PTPRD: variants seen among roughly 807,000 people sequenced by gnomAD.
PTPRD encodes the protein protein tyrosine phosphatase receptor type D.
Under a neutral mutation model 214.5 loss-of-function variants are expected in PTPRD, and 34 were observed. That is an observed-to-expected ratio of 0.16 (90% CI 0.12 to 0.21). The LOEUF (loss-of-function observed/expected upper bound fraction) is 0.21, where lower values mean the gene tolerates loss of function less well. PTPRD is among the 10% of genes least tolerant of loss of function. The pLI, the probability that PTPRD is intolerant of heterozygous loss-of-function variation, is 1.00. For missense variants in PTPRD, 2,545 were observed against 2,398.7 expected, an observed-to-expected ratio of 1.06 and a Z score of -1.27; for synonymous variants, 1,128 against 845.7, an observed-to-expected ratio of 1.33 and a Z score of -5.79.
intron 8 of PTPRD, among the ~76,000 whole-genome samples, chr9:9,452,476 T>C (rs904095888): frequency 6.6e-6 from 1 of 151,156 alleles, no homozygotes; most frequent in Non-Finnish European, 1.5e-5. Flanking sequence ...TAAGTAAATA[T>C]GGAAGTATAC....
intron 7 of PTPRD, among the ~76,000 whole-genome samples, chr9:9,710,980 G>C (rs910690503): frequency 1.3e-5 from 2 of 150,456 alleles, no homozygotes; most frequent in Non-Finnish European, 3.0e-5. Flanking sequence ...GAGAGCGTGT[G>C]TGTGTGTGTG....
intron 6 of PTPRD, among the ~76,000 whole-genome samples, chr9:9,740,639 C>G (rs2098386977): frequency 6.6e-6 from 1 of 152,172 alleles, no homozygotes; most frequent in African/African-American, 2.4e-5. Flanking sequence ...GCTGGGATTA[C>G]AGGCCTGAGC....
rs185779613 is a variant in PTPRD at position 8,592,776 on chromosome 9, T to C, written c.352+40541A>G. Among the ~76,000 whole-genome samples the C allele has an allele frequency of 4.6e-5, 7 of 152,320 alleles. No individual in the cohort carries two copies. In the East Asian group the frequency reaches 9.6e-4, roughly 21 times the overall value. ...TAGTGCTTAAAAGATAACAAATAATTGTAATATAACATGCTGCGTGTTAAT... is the reference window on the plus strand; with the variant it reads ...TAGTGCTTAAAAGATAACAAATAATCGTAATATAACATGCTGCGTGTTAAT... On this transcript the variant is annotated intron_variant, in intron 14 of 45. Transcript: ENST00000381196.
intron 9 of PTPRD, among the ~76,000 whole-genome samples, chr9:9,237,989 A>C (rs571185107): frequency 6.6e-6 from 1 of 152,124 alleles, no homozygotes; most frequent in East Asian, 1.9e-4. Flanking sequence ...AGTTTCCTTA[A>C]ATCCTTGATA....
At chr9:10,368,597 C>G (rs965351410) in intron 2 of PTPRD, among the ~76,000 whole-genome samples, 2 of 151,902 alleles carry the variant, frequency 1.3e-5, no homozygotes, top group Non-Finnish European at 2.9e-5. Flanking sequence ...GAATACAGAA[C>G]ATTGTAATTG....
intron 5 of PTPRD, among the ~76,000 whole-genome samples, chr9:9,889,011 T>G (rs1338074921): frequency 2.0e-5 from 3 of 152,152 alleles, no homozygotes; most frequent in African/African-American, 7.2e-5. Context: ...TGAAATAAGC[T>G]AGGTACAGAA....
chr9:10,032,662 G>C (rs1567206293), intron 4 of PTPRD, among the ~76,000 whole-genome samples: 1 of 152,056 alleles, frequency 6.6e-6, no homozygotes, highest in Admixed American at 6.6e-5. Flanking sequence ...TCAATCTAAT[G>C]CTTAGAATTA....
chr9:10,601,577 T>C (rs1567157048), intron 2 of PTPRD, among the ~76,000 whole-genome samples: 1 of 151,824 alleles, frequency 6.6e-6, no homozygotes, highest in Non-Finnish European at 1.5e-5. Context: ...ATTAAATATC[T>C]AGAATAGTGA....
At chr9:9,797,145 G>C (rs1348469616) in intron 5 of PTPRD, among the ~76,000 whole-genome samples, 1 of 150,748 alleles carries the variant, frequency 6.6e-6, no homozygotes, top group East Asian at 2.0e-4. Context: ...CAAAGTATTT[G>C]GTACAGAATT....
chr9:8,805,258 T>C (rs2096652383), intron 11 of PTPRD, among the ~76,000 whole-genome samples: 1 of 152,154 alleles, frequency 6.6e-6, no homozygotes, highest in African/African-American at 2.4e-5. Flanking sequence ...GTTCCAAAAA[T>C]TTGAGTAGCT....
At chr9:9,713,360 A>G (rs1331356608) in intron 7 of PTPRD, among the ~76,000 whole-genome samples, 2 of 152,216 alleles carry the variant, frequency 1.3e-5, no homozygotes, top group African/African-American at 4.8e-5. Context: ...AGATGCATCA[A>G]AAATGTCACT....
chr9:10,144,846 A>G (rs1028379230), intron 3 of PTPRD, among the ~76,000 whole-genome samples: 5 of 152,148 alleles, frequency 3.3e-5, no homozygotes, highest in African/African-American at 1.2e-4. Context: ...TGTGGTTTAT[A>G]CATTTCTGGG....
At chr9:9,389,822 A>G (rs534894515) in intron 9 of PTPRD, among the ~76,000 whole-genome samples, 3 of 152,330 alleles carry the variant, frequency 2.0e-5, no homozygotes, top group East Asian at 3.9e-4. Flanking sequence ...ACTCTGTGCC[A>G]GAGCCTGGGG....
chr9:9,731,508 G>A (rs10125726), intron 7 of PTPRD, among the ~76,000 whole-genome samples: 86,593 of 151,836 alleles, frequency 0.57, 26,596 homozygotes, highest in African/African-American at 0.78. Flanking sequence ...TGTGCACAAT[G>A]TGCAGGTTTG....
At position 8,316,489 on chromosome 9, in the gene PTPRD, C is replaced by A; in HGVS notation, c.*1385G>T. 1 of 230,234 alleles carries A rather than the reference C, an allele frequency of 4.3e-6. No homozygotes were observed. Among genetic ancestry groups the A allele is most frequent in the Non-Finnish European group, 8.6e-6 (1 of 116,028 alleles). 14.3% of individuals were successfully genotyped at this position (230,234 alleles called of 1,614,324 possible). On this transcript the variant is annotated 3_prime_UTR_variant, in exon 46 of 46. Coordinates refer to ENST00000381196, the MANE Select transcript of PTPRD (RefSeq NM_002839.4). ...CATATCATAAATGCAAATTTCATAG[C>A]ACATACTATAGACAATATACGATTG...
At chr9:9,229,836 T>C (rs887110710) in intron 9 of PTPRD, among the ~76,000 whole-genome samples, 3 of 152,076 alleles carry the variant, frequency 2.0e-5, no homozygotes, top group Non-Finnish European at 2.9e-5. Context: ...TTGTGAACAC[T>C]GATACTTCAT....
At chr9:9,007,786 T>G (rs2154359842) in intron 11 of PTPRD, among the ~76,000 whole-genome samples, 1 of 149,352 alleles carries the variant, frequency 6.7e-6, no homozygotes, top group Admixed American at 6.7e-5. Flanking sequence ...AGCATATCTT[T>G]CAGTTGTTTC....
Position 10,169,239 on chromosome 9 carries a change from C to T in PTPRD, c.-544-135449G>A, listed in dbSNP as rs7868010. ...CCTGTAATCCCAGCACTTTGGGAGG[C>T]CGAGGCAGGCGGATCACGAGGTCAG... On this transcript the variant is annotated intron_variant, in intron 3 of 45. Coordinates refer to ENST00000381196, the MANE Select transcript of PTPRD (RefSeq NM_002839.4). Among the ~76,000 whole-genome samples the T allele has an allele frequency of 4.2e-3, 640 of 152,042 alleles. 5 individuals are homozygous for T. The highest frequency in any genetic ancestry group is 0.015 in the African/African-American group (608 of 41,438).
chr9:8,515,932 C>G (rs1190316451), intron 21 of PTPRD, among the ~76,000 whole-genome samples: 3 of 152,048 alleles, frequency 2.0e-5, no homozygotes, highest in Non-Finnish European at 4.4e-5. Context: ...AACTGAAGTT[C>G]AGAGAGAGAT....
Sources: allele counts gnomAD v4.1 joint callset (sites outside exome capture counted in the v4.1 genomes callset), GRCh38; gene constraint gnomAD v4.1.1; transcripts MANE v1.5; gene names NCBI Gene and HGNC (gene_info 2026-07-23, HGNC 2026-07-21).